TSPAN7: variants seen among roughly 807,000 people sequenced by gnomAD.
TSPAN7 encodes the protein tetraspanin 7, also known as tetraspanin-7.
TSPAN7 carries 1 observed loss-of-function variant against 17.6 expected under a neutral mutation model. The observed-to-expected ratio is 0.06, with a 90% confidence interval of 0.02 to 0.27. TSPAN7 has a LOEUF of 0.27. Among genes scored for constraint, TSPAN7 ranks in the 10% least tolerant of loss-of-function variants. The pLI, the probability that TSPAN7 is intolerant of heterozygous loss-of-function variation, is 1.00. For synonymous variants in TSPAN7, 78 were observed against 79.0 expected (o/e 0.99, Z 0.07); for missense variants, 112 against 201.7 (o/e 0.56, Z 2.69).
chrX:38,680,539 TTC>T (rs61619425), intron 5 of TSPAN7, among the ~76,000 whole-genome samples: 8,950 of 75,364 alleles, frequency 0.12, 496 homozygotes, highest in South Asian at 0.15. Flanking sequence ...TACTTACAAA[TTC>T]TCTCTCTCTC....
intron 1 of TSPAN7, among the ~76,000 whole-genome samples, chrX:38,583,811 C>T (rs1244546016): frequency 1.8e-5 from 2 of 111,204 alleles, no homozygotes; most frequent in South Asian, 3.8e-4. Flanking sequence ...TGCTGAAGCA[C>T]GTAACTTAGA....
rs985510206 is a variant in TSPAN7 at position 38,567,023 on chromosome X, A to G, written c.81+5396A>G. Among the ~76,000 whole-genome samples, 3 of 112,134 alleles carry G rather than the reference A, an allele frequency of 2.7e-5. No homozygotes were observed. In the East Asian group the frequency reaches 8.3e-4, roughly 31 times the overall value. ...TAGTGCTATCAAATTCTTCTATGAT[A>G]AAATATCAGCGATTTGTTTTTCATT... On this transcript the variant is annotated intron_variant, in intron 1 of 7. Coordinates refer to ENST00000378482, the MANE Select transcript of TSPAN7 (RefSeq NM_004615.4).
intron 1 of TSPAN7, among the ~76,000 whole-genome samples, chrX:38,588,969 C>T (rs1602089936): frequency 1.8e-5 from 2 of 112,010 alleles, no homozygotes; most frequent in South Asian, 7.5e-4. Flanking sequence ...TACTCTTCTT[C>T]ACTGCGTACT....
chrX:38,635,374 G>A (rs891903040), intron 1 of TSPAN7, among the ~76,000 whole-genome samples: 21 of 111,155 alleles, frequency 1.9e-4, no homozygotes, highest in African/African-American at 5.9e-4. Context: ...TGCCCTCAAA[G>A]GTAGAAAAAT....
intron 1 of TSPAN7, chrX:38,622,907 G>T (rs746375958): frequency 3.0e-6 from 1 of 331,374 alleles, no homozygotes. Flanking sequence ...GGATAGCCTT[G>T]CCTACTGAAG....
At chrX:38,617,311 G>A (rs1283680183) in intron 1 of TSPAN7, among the ~76,000 whole-genome samples, 1 of 112,671 alleles carries the variant, frequency 8.9e-6, no homozygotes, top group Admixed American at 9.3e-5. Flanking sequence ...ACCCACATGA[G>A]GGAGCCTGGC....
intron 3 of TSPAN7, 89 bp from the exon 4 acceptor site, chrX:38,674,132 A>C: frequency 1.5e-6 from 1 of 689,467 alleles, no homozygotes; most frequent in Non-Finnish European, 2.3e-6. Context: ...GACTTTCAGA[A>C]GAGGCTATGT....
chrX:38,577,512 T>C (rs1602085201), intron 1 of TSPAN7, among the ~76,000 whole-genome samples: 1 of 108,465 alleles, frequency 9.2e-6, no homozygotes, highest in African/African-American at 3.4e-5. Flanking sequence ...ATGTCCTTTG[T>C]AGGGACATGG....
chrX:38,667,823 A>G (rs1378807075), intron 2 of TSPAN7, among the ~76,000 whole-genome samples: 2 of 111,874 alleles, frequency 1.8e-5, no homozygotes, highest in Admixed American at 1.9e-4. Context: ...GTCTAGTGCC[A>G]TAGTCCTCAA....
intron 1 of TSPAN7, 133 bp from the exon 2 acceptor site, chrX:38,665,988 C>G: frequency 1.8e-6 from 1 of 564,179 alleles, no homozygotes; most frequent in South Asian, 2.7e-5. Context: ...TGACATTTCT[C>G]GTTGCTCAGG....
intron 1 of TSPAN7, among the ~76,000 whole-genome samples, chrX:38,585,105 C>T (rs759084575): frequency 1.5e-4 from 17 of 111,788 alleles, no homozygotes; most frequent in Non-Finnish European, 2.8e-4. Flanking sequence ...GTTCCATTAT[C>T]GGACATTTGG....
intron 1 of TSPAN7, among the ~76,000 whole-genome samples, chrX:38,578,881 G>A (rs2069211293): frequency 9.0e-6 from 1 of 111,141 alleles, no homozygotes; most frequent in Admixed American, 9.5e-5. Flanking sequence ...GTGTACATAT[G>A]TGTATATGTA....
chrX:38,660,295 T>C (rs2069736438), intron 1 of TSPAN7, among the ~76,000 whole-genome samples: 1 of 112,065 alleles, frequency 8.9e-6, no homozygotes, highest in African/African-American at 3.2e-5. Context: ...ATAAATATAA[T>C]GGATGCACAC....
intron 1 of TSPAN7, among the ~76,000 whole-genome samples, chrX:38,647,189 T>C (rs1476295891): frequency 8.9e-6 from 1 of 112,587 alleles, no homozygotes; most frequent in African/African-American, 3.2e-5. Flanking sequence ...ATCCTTCAGT[T>C]AAGCTCTGTA....
chrX:38,594,613 T>C (rs1232518468), intron 1 of TSPAN7, among the ~76,000 whole-genome samples: 2 of 112,183 alleles, frequency 1.8e-5, no homozygotes, highest in East Asian at 5.6e-4. Flanking sequence ...AGAAGATACA[T>C]GAATGTTTTC....
chrX:38,571,530 T>C (rs945281195), intron 1 of TSPAN7, among the ~76,000 whole-genome samples: 1 of 111,025 alleles, frequency 9.0e-6, no homozygotes, highest in African/African-American at 3.3e-5. Flanking sequence ...GCAATATTAA[T>C]TTGGTCTTCG....
At chrX:38,611,701 C>T (rs180712460) in intron 1 of TSPAN7, among the ~76,000 whole-genome samples, 74 of 111,854 alleles carry the variant, frequency 6.6e-4, no homozygotes, top group African/African-American at 2.3e-3. Flanking sequence ...GATTCTTGTA[C>T]TCTTTGTAAC....
intron 1 of TSPAN7, among the ~76,000 whole-genome samples, chrX:38,562,232 A>G (rs762468050): frequency 6.6e-4 from 73 of 111,413 alleles, no homozygotes; most frequent in African/African-American, 2.3e-3. Flanking sequence ...CACGAAAGGG[A>G]GAGGGTCTTA....
intron 1 of TSPAN7, among the ~76,000 whole-genome samples, chrX:38,620,331 A>G (rs1481721899): frequency 9.0e-6 from 1 of 111,681 alleles, no homozygotes; most frequent in Non-Finnish European, 1.9e-5. Flanking sequence ...CATACCTAAC[A>G]CTTGTCTCTT....
Sources: gnomAD v4.1 joint callset for allele counts (sites outside exome capture counted in the v4.1 genomes callset) on GRCh38, gnomAD v4.1.1 for gene constraint, MANE v1.5 for transcripts, NCBI Gene and HGNC (gene_info 2026-07-23, HGNC 2026-07-21) for gene names.